RPTOR: variants seen among roughly 807,000 people sequenced by gnomAD.
RPTOR encodes regulatory-associated protein of mTOR.
A neutral mutation model predicts 169.9 loss-of-function variants in RPTOR; 21 were observed. The ratio of observed to expected loss-of-function variants is 0.12; its 90% CI spans 0.09 to 0.18. The LOEUF (loss-of-function observed/expected upper bound fraction) is 0.18. RPTOR is among the 10% of genes least tolerant of loss of function. RPTOR has a pLI of 1.00. For synonymous variants in RPTOR, 732 were observed against 753.2 expected (o/e 0.97, Z 0.46); for missense variants, 1,133 against 1,855.9 (o/e 0.61, Z 7.16).
chr17:80,586,720 G>T (rs1265464167), intron 1 of RPTOR, among the ~76,000 whole-genome samples: 1 of 152,216 alleles, frequency 6.6e-6, no homozygotes, highest in Non-Finnish European at 1.5e-5. Context: ...AGGGACGCCG[G>T]TGTCCGTTCC....
chr17:80,568,749 T>TC (rs1450803375), intron 1 of RPTOR, among the ~76,000 whole-genome samples: 1 of 152,232 alleles, frequency 6.6e-6, no homozygotes, highest in East Asian at 1.9e-4. Context: ...CCCCATTCCC[T>TC]CCATCTTTTT....
Position 80,964,376 on chromosome 17 carries a change from G to T in RPTOR, c.*46G>T, listed in dbSNP as rs756081378. ...AGGCCACGGCCGCCTGCTGTACATA[G>T]TGAAGCTGTCACTCGCCGGGGCACG... On this transcript the variant is annotated 3_prime_UTR_variant, in exon 34 of 34. Transcript: ENST00000306801. The T allele has an allele frequency of 6.3e-7, 1 of 1,587,532 alleles. No individual in the cohort carries two copies. Among genetic ancestry groups the T allele is most frequent in the East Asian group, 2.2e-5 (1 of 44,680 alleles).
rs957221618 is a variant in RPTOR, at chr17:80,659,366, C to T, written c.348+15556C>T. On this transcript the variant is annotated intron_variant, in intron 3 of 33. Transcript: ENST00000306801. This position sits in a 1 kb window ranked among gnomAD's most constrained non-coding sequence, Gnocchi z 4.3. ...TTTTCTTTTGAAACAGGCTCTCGCT[C>T]TGTCACCCAGGCTGGGGTGCAGTGG... Among the ~76,000 whole-genome samples, 1 of 152,182 alleles carries T rather than the reference C, an allele frequency of 6.6e-6. No individual in the cohort carries two copies. Among genetic ancestry groups the T allele is most frequent in the Non-Finnish European group, 1.5e-5 (1 of 68,034 alleles).
intron 3 of RPTOR, among the ~76,000 whole-genome samples, chr17:80,664,048 G>A (rs2065744731): frequency 6.6e-6 from 1 of 152,136 alleles, no homozygotes; most frequent in East Asian, 1.9e-4. Flanking sequence ...ACTCACTTCT[G>A]TTGGAGCAAA....
At chr17:80,888,390 A>G (rs975004875) in intron 17 of RPTOR, among the ~76,000 whole-genome samples, 13 of 152,206 alleles carry the variant, frequency 8.5e-5, no homozygotes, top group African/African-American at 3.1e-4. Context: ...GTCTCCCAAG[A>G]TGCTTCCCAG....
At chr17:80,546,988 G>T (rs2143191840) in intron 1 of RPTOR, among the ~76,000 whole-genome samples, 1 of 152,288 alleles carries the variant, frequency 6.6e-6, no homozygotes, top group East Asian at 1.9e-4. Flanking sequence ...AGAATCGCTT[G>T]AACCTGGGAG....
Position 80,707,772 on chromosome 17 carries a change from G to T in RPTOR, c.349-69G>T. On this transcript the variant is annotated intron_variant, in intron 3 of 33. Coordinates refer to ENST00000306801, the MANE Select transcript of RPTOR (RefSeq NM_020761.3). The surrounding 1 kb of genome is among the most constrained non-coding windows in gnomAD (Gnocchi z 5.0). ...TATTAACTGCAAACCCAGAGGAAAG[G>T]GTAGGGGATGAGTTCCAAGCATTCC... 1 of 1,472,164 alleles carries T rather than the reference G, an allele frequency of 6.8e-7. No homozygotes were observed. The highest frequency in any genetic ancestry group is 9.3e-7 in the Non-Finnish European group (1 of 1,071,322). The allele number at this position is 1,472,164 out of a possible 1,614,324, so 91.2% of individuals were successfully genotyped here.
At chr17:80,768,026 G>T (rs1169145648) in intron 6 of RPTOR, among the ~76,000 whole-genome samples, 1 of 152,046 alleles carries the variant, frequency 6.6e-6, no homozygotes, top group Admixed American at 6.5e-5. Flanking sequence ...ACCATGCCTG[G>T]CTAATTTTTG....
intron 11 of RPTOR, among the ~76,000 whole-genome samples, chr17:80,853,711 G>T (rs976923483): frequency 6.6e-6 from 1 of 152,230 alleles, no homozygotes; most frequent in Non-Finnish European, 1.5e-5. Context: ...GGGCACGGTG[G>T]CTCACGCCTG....
chr17:80,694,244 A>T (rs1044852530), intron 3 of RPTOR, among the ~76,000 whole-genome samples: 1 of 152,240 alleles, frequency 6.6e-6, no homozygotes, highest in Non-Finnish European at 1.5e-5. Flanking sequence ...TCCCTGACAC[A>T]GCTGGTGACC....
intron 1 of RPTOR, among the ~76,000 whole-genome samples, chr17:80,564,734 C>G (rs567046078): frequency 2.0e-5 from 3 of 151,344 alleles, no homozygotes; most frequent in African/African-American, 4.9e-5. Flanking sequence ...TTTTCAGATC[C>G]TCTCCCTCCT....
intron 21 of RPTOR, among the ~76,000 whole-genome samples, chr17:80,921,122 T>C (rs894876893): frequency 2.6e-5 from 4 of 152,234 alleles, no homozygotes; most frequent in African/African-American, 9.6e-5. Flanking sequence ...TTTTCCTTGG[T>C]GTTCTGTTGG....
At chr17:80,585,270 TCTCGACTCA>T (rs1009854232) in intron 1 of RPTOR, among the ~76,000 whole-genome samples, 3 of 151,496 alleles carry the variant, frequency 2.0e-5, no homozygotes, top group African/African-American at 7.3e-5. Context: ...AGTGGTGCGA[TCTCGACTCA>T]CTGCAAACTC....
intron 7 of RPTOR, among the ~76,000 whole-genome samples, chr17:80,818,770 A>C (rs1243507740): frequency 6.6e-6 from 1 of 152,102 alleles, no homozygotes; most frequent in South Asian, 2.1e-4. Flanking sequence ...ATGTTGGGAG[A>C]GTCTAGCTTT....
intron 3 of RPTOR, among the ~76,000 whole-genome samples, chr17:80,698,758 C>A (rs1598233625): frequency 6.6e-6 from 1 of 152,204 alleles, no homozygotes; most frequent in South Asian, 2.1e-4. Flanking sequence ...GAAAGACAAG[C>A]CTGTTCTGCC....
Position 80,855,560 on chromosome 17 carries a change from C to T in RPTOR, c.1398+13C>T, listed in dbSNP as rs775430040. ...GGCAGTGAGCCTGGTGCGTGCCTTCCGCATTAACCTGGGGGCTGAGGGAGG... is the reference window on the plus strand; with the variant it reads ...GGCAGTGAGCCTGGTGCGTGCCTTCTGCATTAACCTGGGGGCTGAGGGAGG... On this transcript the variant is annotated intron_variant, in intron 12 of 33. Coordinates refer to ENST00000306801, the MANE Select transcript of RPTOR (RefSeq NM_020761.3). The T allele has an allele frequency of 2.6e-5, 42 of 1,596,314 alleles. No individual in the cohort carries two copies. The highest frequency in any genetic ancestry group is 8.3e-5 in the Admixed American group (5 of 59,966).
At chr17:80,705,762 C>T (rs2066137612) in intron 3 of RPTOR, among the ~76,000 whole-genome samples, 1 of 152,132 alleles carries the variant, frequency 6.6e-6, no homozygotes. Context: ...TCTTGAACTC[C>T]TGGCCTCAAG....
intron 1 of RPTOR, chr17:80,602,626 T>TA (rs2065198428): frequency 1.5e-6 from 1 of 653,872 alleles, no homozygotes; most frequent in Non-Finnish European, 2.9e-6. Context: ...GTATAGAACT[T>TA]ATTTGGTGAA....
chr17:80,890,184 G>T (rs1344683162), intron 17 of RPTOR, among the ~76,000 whole-genome samples: 1 of 152,186 alleles, frequency 6.6e-6, no homozygotes, highest in Non-Finnish European at 1.5e-5. Context: ...GCCCCTGTTG[G>T]CCTCCCCTGA....
Sources: gnomAD v4.1 joint callset for allele counts (sites outside exome capture counted in the v4.1 genomes callset) on GRCh38, gnomAD v4.1.1 for gene constraint, Gnocchi (gnomAD v3.1) non-coding constraint, MANE v1.5 for transcripts, NCBI Gene and HGNC (gene_info 2026-07-23, HGNC 2026-07-21) for gene names.